Variants in JAKMIP2 observed in about 807,000 individuals in gnomAD.
JAKMIP2 encodes janus kinase and microtubule interacting protein 2.
Under a neutral mutation model 115.0 loss-of-function variants are expected in JAKMIP2, and 25 were observed. The ratio of observed to expected loss-of-function variants is 0.22; its 90% CI spans 0.16 to 0.30. JAKMIP2 has a LOEUF of 0.30. Among genes scored for constraint, JAKMIP2 ranks in the 10% least tolerant of loss-of-function variants. The pLI, the probability that JAKMIP2 is intolerant of heterozygous loss-of-function variation, is 1.00. For synonymous variants in JAKMIP2, 334 were observed against 343.6 expected (o/e 0.97, Z 0.31); for missense variants, 642 against 957.6 (o/e 0.67, Z 4.35).
intron 2 of JAKMIP2, chr5:147,661,646 T>A (rs1758983264): frequency 1.7e-6 from 1 of 572,226 alleles, no homozygotes; most frequent in Non-Finnish European, 3.1e-6. Context: ...TGAGGATATT[T>A]ATATTACTTT....
rs918515370 is a variant in JAKMIP2 at position 147,588,624 on chromosome 5, G to A, written c.*3083C>T. 1 of 152,060 alleles carries A rather than the reference G, an allele frequency of 6.6e-6. No homozygotes were observed. The highest frequency in any genetic ancestry group is 2.4e-5 in the African/African-American group (1 of 41,400). The allele number at this position is 152,060 out of a possible 1,614,324, so 9.4% of individuals were successfully genotyped here. A position where few individuals can be genotyped will look rare whatever the true frequency, so the allele number is the denominator to read the frequency against. ...TATTCATTTTGAGGCTCATGAGCAAGAGTTGGTAAAAATTACAGTTCAGTC... is the reference window on the plus strand; with the variant it reads ...TATTCATTTTGAGGCTCATGAGCAAAAGTTGGTAAAAATTACAGTTCAGTC... On this transcript the variant is annotated 3_prime_UTR_variant, in exon 22 of 22. Transcript: ENST00000616793.
intron 1 of JAKMIP2, among the ~76,000 whole-genome samples, chr5:147,706,993 G>T (rs1005276056): frequency 6.6e-6 from 1 of 152,120 alleles, no homozygotes; most frequent in Non-Finnish European, 1.5e-5. Flanking sequence ...GTATTTACCT[G>T]TGTGTTATAC....
At chr5:147,709,780 C>T (rs1322664894) in intron 1 of JAKMIP2, among the ~76,000 whole-genome samples, 2 of 152,018 alleles carry the variant, frequency 1.3e-5, no homozygotes, top group African/African-American at 2.4e-5. Context: ...ATCCGGGAGG[C>T]GGAGGTTAAA....
At chr5:147,660,499 G>A (rs761094962) in intron 3 of JAKMIP2, 10 of 454,920 alleles carry the variant, frequency 2.2e-5, no homozygotes, top group South Asian at 1.6e-4. Flanking sequence ...AGTAGCTGCT[G>A]TTTTCAGACA....
chr5:147,634,449 T>C lies in JAKMIP2; in HGVS notation c.1678-1671A>G, dbSNP rs544041381. 4.5e-4 allele frequency among the ~76,000 whole-genome samples: 68 copies of C among 152,294 alleles called. No homozygotes were observed. In the South Asian group the frequency reaches 0.013, roughly 30 times the overall value. ...TAGTCGAGTTTTCTACCCTAGATAT[T>C]TGTGGCCTAGTAAACTTTCAAAAGT... On this transcript the variant is annotated intron_variant, in intron 12 of 21. Transcript: ENST00000616793.
intron 2 of JAKMIP2, among the ~76,000 whole-genome samples, chr5:147,667,452 A>G (rs1382314114): frequency 1.3e-5 from 2 of 152,230 alleles, no homozygotes; most frequent in African/African-American, 2.4e-5. Context: ...GAGCTTCAAA[A>G]GTGATCTTAG....
intron 13 of JAKMIP2, among the ~76,000 whole-genome samples, chr5:147,631,819 G>T (rs1175920678): frequency 6.6e-6 from 1 of 152,124 alleles, no homozygotes; most frequent in Non-Finnish European, 1.5e-5. Context: ...TCTCAGCGTG[G>T]TCTTGCCATG....
chr5:147,614,691 G>A (rs1360029909), intron 19 of JAKMIP2, among the ~76,000 whole-genome samples: 1 of 152,224 alleles, frequency 6.6e-6, no homozygotes, highest in African/African-American at 2.4e-5. Flanking sequence ...AGAAGGAAGA[G>A]TTAGTTGAGT....
intron 1 of JAKMIP2, among the ~76,000 whole-genome samples, chr5:147,714,502 T>C (rs979968453): frequency 1.3e-5 from 2 of 152,172 alleles, no homozygotes; most frequent in Non-Finnish European, 2.9e-5. Flanking sequence ...AAGTCTGTCA[T>C]ATATTCAATA....
intron 14 of JAKMIP2, among the ~76,000 whole-genome samples, 153 bp from the exon 15 acceptor site, chr5:147,629,899 T>A (rs573200381): frequency 1.1e-3 from 167 of 152,296 alleles, no homozygotes; most frequent in Non-Finnish European, 1.7e-3. Context: ...TCAATTTTGC[T>A]TCTTACATGC....
chr5:147,652,104 A>G (rs1758427120), intron 3 of JAKMIP2, among the ~76,000 whole-genome samples: 1 of 152,146 alleles, frequency 6.6e-6, no homozygotes, highest in Admixed American at 6.6e-5. Context: ...CACTATATTC[A>G]GGGTACTATA....
chr5:147,710,868 T>C (rs993477245), intron 1 of JAKMIP2, among the ~76,000 whole-genome samples: 1 of 152,214 alleles, frequency 6.6e-6, no homozygotes, highest in South Asian at 2.1e-4. Context: ...TGCAGATTTC[T>C]GAATCGGTTA....
intron 1 of JAKMIP2, among the ~76,000 whole-genome samples, chr5:147,703,226 C>T (rs1206988209): frequency 6.6e-6 from 1 of 152,078 alleles, no homozygotes; most frequent in African/African-American, 2.4e-5. Context: ...TATGGTAAAG[C>T]CCACTATACA....
chr5:147,631,362 T>C, intron 14 of JAKMIP2, 51 bp downstream of exon 14: 1 of 1,186,542 alleles, frequency 8.4e-7, no homozygotes, highest in Non-Finnish European at 1.2e-6. Context: ...CCTTTTCCAA[T>C]TCCCAGTTTT....
chr5:147,745,857 A>G (rs1193095156), intron 1 of JAKMIP2, among the ~76,000 whole-genome samples: 1 of 152,190 alleles, frequency 6.6e-6, no homozygotes, highest in Non-Finnish European at 1.5e-5. Context: ...TGAGTCTCAG[A>G]TTCTTCATCC....
At chr5:147,685,565 T>C (rs2096816113) in intron 1 of JAKMIP2, among the ~76,000 whole-genome samples, 1 of 152,224 alleles carries the variant, frequency 6.6e-6, no homozygotes, top group Admixed American at 6.5e-5. Flanking sequence ...CCAGAAATAC[T>C]GTACTAGAAA....
intron 1 of JAKMIP2, among the ~76,000 whole-genome samples, chr5:147,726,248 T>C (rs934351807): frequency 2.6e-5 from 4 of 152,172 alleles, no homozygotes; most frequent in Admixed American, 6.5e-5. Flanking sequence ...AGTTCAATAT[T>C]GGGTGCTAAC....
intron 1 of JAKMIP2, among the ~76,000 whole-genome samples, chr5:147,730,763 C>G (rs1753700023): frequency 6.6e-6 from 1 of 152,104 alleles, no homozygotes; most frequent in Non-Finnish European, 1.5e-5. Context: ...CCATCCTGCC[C>G]TATCTTAAGC....
At chr5:147,649,550 A>G (rs1006798468) in intron 4 of JAKMIP2, among the ~76,000 whole-genome samples, 1 of 152,154 alleles carries the variant, frequency 6.6e-6, no homozygotes, top group Non-Finnish European at 1.5e-5. Context: ...CAACTATGCT[A>G]TATTGCGGGT....
Sources: gnomAD v4.1 joint callset for allele counts (sites outside exome capture counted in the v4.1 genomes callset) on GRCh38, gnomAD v4.1.1 for gene constraint, MANE v1.5 for transcripts, NCBI Gene and HGNC (gene_info 2026-07-23, HGNC 2026-07-21) for gene names.